Variants in TESC observed in about 807,000 individuals in gnomAD.
The protein encoded by TESC is tescalcin, also known as calcineurin B homologous protein 3.
TESC carries 19 observed loss-of-function variants against 31.0 expected under a neutral mutation model. The ratio of observed to expected loss-of-function variants is 0.61; its 90% CI spans 0.43 to 0.90. The LOEUF (loss-of-function observed/expected upper bound fraction) is 0.90, where lower values mean the gene tolerates loss of function less well. Ranked by LOEUF, TESC falls within the 40% of genes least tolerant of loss-of-function variation. The probability of loss-of-function intolerance (pLI) is 0.00; values close to 1 mark genes in which losing one functional copy is unlikely to be tolerated. For missense variants in TESC, 248 were observed against 303.8 expected (o/e 0.82, Z 1.36); for synonymous variants, 109 against 114.8 (o/e 0.95, Z 0.32).
intron 1 of TESC, among the ~76,000 whole-genome samples, chr12:117,082,230 G>A (rs1048502568): frequency 3.3e-5 from 5 of 151,984 alleles, no homozygotes; most frequent in African/African-American, 7.3e-5. Flanking sequence ...TTGGCTGGGC[G>A]CAGTGGCTCA....
At chr12:117,052,698 C>G (rs1233254923) in intron 3 of TESC, among the ~76,000 whole-genome samples, 1 of 152,158 alleles carries the variant, frequency 6.6e-6, no homozygotes, top group African/African-American at 2.4e-5. Context: ...CTCTGTCAGG[C>G]AGGGACAATG....
At chr12:117,075,938 T>C (rs1955065463) in intron 1 of TESC, among the ~76,000 whole-genome samples, 12 of 94,300 alleles carry the variant, frequency 1.3e-4, no homozygotes, top group South Asian at 6.0e-4. Flanking sequence ...TATATATATA[T>C]ATGTATATAT....
chr12:117,075,017 G>T (rs1375800372), intron 2 of TESC, among the ~76,000 whole-genome samples: 1 of 152,136 alleles, frequency 6.6e-6, no homozygotes. Flanking sequence ...ATGGTGGAGG[G>T]CACCAGTAGT....
At chr12:117,077,934 C>G (rs550025248) in intron 1 of TESC, among the ~76,000 whole-genome samples, 131 of 151,868 alleles carry the variant, frequency 8.6e-4, no homozygotes, top group South Asian at 5.2e-3. Context: ...TCTGGATATG[C>G]ACTATATCAC....
At chr12:117,081,605 A>G (rs1338922630) in intron 1 of TESC, among the ~76,000 whole-genome samples, 1 of 152,142 alleles carries the variant, frequency 6.6e-6, no homozygotes. Context: ...CCTGTTTAGA[A>G]CAGTAAGAAA....
At position 117,058,763 on chromosome 12, in the gene TESC, G is replaced by C. The variant is rs1411936152; in HGVS notation, c.129-1877C>G. Among the ~76,000 whole-genome samples, 7 of 134,922 alleles carry C rather than the reference G, an allele frequency of 5.2e-5. No homozygotes were observed. The East Asian group carries it at 1.5e-3, about 29-fold the overall frequency. The allele number at this position is 134,922 out of a possible 152,430, so 88.5% of individuals were successfully genotyped here. ...AATCTCTTAAAAAAAAAAAAAAAAA[G>C]GCAAAAAAAGCTTGGCTGGGGAGAG... On this transcript the variant is annotated intron_variant, in intron 2 of 7. Transcript: ENST00000335209.
intron 1 of TESC, among the ~76,000 whole-genome samples, chr12:117,092,303 C>G (rs1955323277): frequency 6.6e-6 from 1 of 152,224 alleles, no homozygotes; most frequent in Non-Finnish European, 1.5e-5. Context: ...GGAACGCCAT[C>G]CTCCAGGGTC....
At chr12:117,089,085 T>C (rs985742271) in intron 1 of TESC, among the ~76,000 whole-genome samples, 3 of 152,148 alleles carry the variant, frequency 2.0e-5, no homozygotes, top group Non-Finnish European at 2.9e-5. Context: ...CGTTCCCCAC[T>C]GGCCCAGAGA....
intron 1 of TESC, among the ~76,000 whole-genome samples, chr12:117,079,557 A>C (rs1043978775): frequency 4.1e-5 from 6 of 146,008 alleles, no homozygotes; most frequent in Non-Finnish European, 9.0e-5. Flanking sequence ...GCGAGACTCC[A>C]TCTCAAAAAA....
chr12:117,087,448 C>A (rs2173651), intron 1 of TESC, among the ~76,000 whole-genome samples: 1 of 151,920 alleles, frequency 6.6e-6, no homozygotes, highest in East Asian at 1.9e-4. Context: ...AGGATCTCTG[C>A]GGGTTTTTTC....
chr12:117,044,840 T>C (rs1444520417), intron 6 of TESC, among the ~76,000 whole-genome samples: 4 of 151,676 alleles, frequency 2.6e-5, no homozygotes, highest in Non-Finnish European at 5.9e-5. Context: ...GAGGTTGCAG[T>C]GAGCCGAGAT....
At chr12:117,039,571 C>T (rs1444298392) in intron 7 of TESC, among the ~76,000 whole-genome samples, 1 of 152,186 alleles carries the variant, frequency 6.6e-6, no homozygotes, top group Non-Finnish European at 1.5e-5. Context: ...GTCCCCTTCC[C>T]CAACCTGTGC....
intron 3 of TESC, among the ~76,000 whole-genome samples, chr12:117,050,568 C>G (rs1475963411): frequency 6.6e-6 from 1 of 152,222 alleles, no homozygotes; most frequent in East Asian, 1.9e-4. Flanking sequence ...ATGCCCCATG[C>G]CCGGCACACT....
chr12:117,056,363 T>TG, intron 3 of TESC, among the ~76,000 whole-genome samples: 1 of 152,046 alleles, frequency 6.6e-6, no homozygotes, highest in African/African-American at 2.4e-5. Flanking sequence ...AGCCTTAAAT[T>TG]TTCTTTTTTA....
chr12:117,039,334 G>A (rs1954448443), intron 7 of TESC, 124 bp from the exon 8 acceptor site: 1 of 908,428 alleles, frequency 1.1e-6, no homozygotes, highest in East Asian at 2.7e-5. Flanking sequence ...TTCCAGGCAG[G>A]TGAAAACCAG....
rs1200949131 is a variant in TESC, at chr12:117,083,730, GC to G, written c.59-8391del. Among the ~76,000 whole-genome samples, 3 of 152,324 alleles carry G rather than the reference GC, an allele frequency of 2.0e-5. No homozygotes were observed. In the East Asian group the frequency reaches 5.8e-4, roughly 29 times the overall value. Reference sequence around the variant, plus strand: ...TGAAGTAGATTGATGGTTGCCAGGGGCTGGAGGGTGTTGAGGGAATGAGAAG... The same window carrying G: ...TGAAGTAGATTGATGGTTGCCAGGGGTGGAGGGTGTTGAGGGAATGAGAAG... On this transcript the variant is annotated intron_variant, in intron 1 of 7. Coordinates refer to ENST00000335209, the MANE Select transcript of TESC (RefSeq NM_017899.4).
At chr12:117,042,413 C>T (rs1954497647) in intron 6 of TESC, among the ~76,000 whole-genome samples, 1 of 152,226 alleles carries the variant, frequency 6.6e-6, no homozygotes, top group Non-Finnish European at 1.5e-5. Context: ...CTGTACCCGC[C>T]TAGGTCTGGC....
chr12:117,096,215 G>GA (rs1278734802), intron 1 of TESC, among the ~76,000 whole-genome samples: 2 of 152,172 alleles, frequency 1.3e-5, no homozygotes, highest in African/African-American at 2.4e-5. Context: ...GAAAGTCAGG[G>GA]GTCATCTTGG....
chr12:117,062,251 TCA>T (rs879382669), intron 2 of TESC, among the ~76,000 whole-genome samples: 5 of 152,122 alleles, frequency 3.3e-5, no homozygotes, highest in Middle Eastern at 3.4e-3. Flanking sequence ...AGACGGAGTC[TCA>T]CTCTGCCGCC....
Sources: gnomAD v4.1 joint callset for allele counts (sites outside exome capture counted in the v4.1 genomes callset) on GRCh38, gnomAD v4.1.1 for gene constraint, MANE v1.5 for transcripts, NCBI Gene and HGNC (gene_info 2026-07-23, HGNC 2026-07-21) for gene names.